The following ATAD2B variants were observed in gnomAD, a reference collection of about 807,000 sequenced individuals.
ATAD2B encodes ATPase family AAA domain-containing protein 2B.
ATAD2B carries 40 observed loss-of-function variants against 167.6 expected under a neutral mutation model. The ratio of observed to expected loss-of-function variants is 0.24; its 90% CI spans 0.19 to 0.31. ATAD2B has a LOEUF of 0.31. Ranked by LOEUF, ATAD2B falls within the 10% of genes least tolerant of loss-of-function variation. The pLI is 1.00. For missense variants in ATAD2B, 1,242 were observed against 1,757.2 expected (o/e 0.71, Z 5.24); for synonymous variants, 579 against 596.5 (o/e 0.97, Z 0.43).
Position 23,752,098 on chromosome 2 carries a change from A to G in ATAD2B, c.4336-11T>C, listed in dbSNP as rs1352556854. 6.6e-7 allele frequency: 1 copy of G among 1,526,328 alleles called. No homozygotes were observed. Among genetic ancestry groups the G allele is most frequent in the Non-Finnish European group, 8.9e-7 (1 of 1,122,456 alleles). The allele number at this position is 1,526,328 out of a possible 1,614,324, so 94.5% of individuals were successfully genotyped here. A position where few individuals can be genotyped will look rare whatever the true frequency, so the allele number is the denominator to read the frequency against. On this transcript the variant is annotated splice_polypyrimidine_tract_variant and intron_variant, in intron 27 of 27. Coordinates refer to ENST00000238789, the MANE Select transcript of ATAD2B (RefSeq NM_017552.4). ...TGTTCTTTCCATCTCCTATAAAAGG[A>G]AAAAAAATGCATGTTATCTATTAAG... is the stretch of plus-strand genomic sequence containing the variant.
the ATAD2B span, among the ~76,000 whole-genome samples, chr2:23,722,646 T>C: frequency 6.6e-6 from 1 of 152,060 alleles, no homozygotes; most frequent in East Asian, 1.9e-4. Flanking sequence ...AAAAGTTGAG[T>C]AAAATGTATT....
intron 1 of ATAD2B, 67 bp downstream of exon 1, chr2:23,926,488 C>A: frequency 6.6e-7 from 1 of 1,506,382 alleles, no homozygotes; most frequent in Non-Finnish European, 8.8e-7. Flanking sequence ...CCCAACCCGG[C>A]CAGACAAAGC....
At chr2:23,689,081 T>A in the ATAD2B span, 22,993 of 152,290 alleles carry the variant, frequency 0.15, 2,137 homozygotes, top group East Asian at 0.2. Context: ...ACCGTGTGTG[T>A]TGGTAAGAGG....
rs1033963701 is a variant in ATAD2B at position 23,864,988 on chromosome 2, T to C, written c.1189-64A>G. 14 of 959,884 alleles carry C rather than the reference T, an allele frequency of 1.5e-5. No individual in the cohort carries two copies. The African/African-American group carries it at 2.4e-4, about 17-fold the overall frequency. 59.5% of individuals were successfully genotyped at this position (959,884 alleles called of 1,614,324 possible). ...TATATGTTTTATAGAATTTTTAAAA[T>C]TTATAAAAGAGTCTTACGATTCAGA... On this transcript the variant is annotated intron_variant, in intron 10 of 27. Transcript: ENST00000238789.
In ATAD2B at chr2:23,783,039, T is replaced by C. The variant is rs781538685; in HGVS notation, c.2974-11A>G. Reference sequence around the variant, plus strand: ...AAGATAATCTGAAACCTAAAACAGATATTTTAATAAAAATTACTTCCAGTT... The same window carrying C: ...AAGATAATCTGAAACCTAAAACAGACATTTTAATAAAAATTACTTCCAGTT... On this transcript the variant is annotated splice_polypyrimidine_tract_variant and intron_variant, in intron 21 of 27. Transcript: ENST00000238789. 1 of 1,380,656 alleles carries C rather than the reference T, an allele frequency of 7.2e-7. No individual in the cohort carries two copies. 85.5% of individuals were successfully genotyped at this position (1,380,656 alleles called of 1,614,324 possible).
chr2:23,901,951 T>C (rs1452244651), intron 1 of ATAD2B, among the ~76,000 whole-genome samples: 1 of 152,228 alleles, frequency 6.6e-6, no homozygotes, highest in Non-Finnish European at 1.5e-5. Context: ...GTTACTTGAA[T>C]ATCAATTTAA....
At chr2:23,682,478 T>G in the ATAD2B span, among the ~76,000 whole-genome samples, 345 of 152,306 alleles carry the variant, frequency 2.3e-3, 2 homozygotes, top group African/African-American at 8.1e-3. This position sits in a 1 kb window ranked among gnomAD's most constrained non-coding sequence, Gnocchi z 4.1. Context: ...CCTGCCTCTG[T>G]GTGGATTTGT....
chr2:23,806,725 G>A (rs2149506856), intron 18 of ATAD2B, among the ~76,000 whole-genome samples: 1 of 152,236 alleles, frequency 6.6e-6, no homozygotes, highest in South Asian at 2.1e-4. Context: ...TGGCAGCAAT[G>A]GTAGTAGTAA....
At chr2:23,914,698 C>T (rs984334902) in intron 1 of ATAD2B, among the ~76,000 whole-genome samples, 69 of 152,032 alleles carry the variant, frequency 4.5e-4, no homozygotes, top group African/African-American at 1.7e-3. Flanking sequence ...AAAAATTAGC[C>T]GGGCGAGGTG....
the ATAD2B span, among the ~76,000 whole-genome samples, chr2:23,737,548 C>T: frequency 3.3e-5 from 5 of 152,136 alleles, no homozygotes; most frequent in South Asian, 2.1e-4. Context: ...CCCATCTGTA[C>T]GTCACCACCT....
At chr2:23,744,416 G>T (rs1674692724), downstream of ATAD2B, among the ~76,000 whole-genome samples, 1 of 151,788 alleles carries the variant, frequency 6.6e-6, no homozygotes, top group South Asian at 2.1e-4. Context: ...AAATTTTAAA[G>T]ATATTAATCC....
chr2:23,784,461 C>T (rs888199386), intron 21 of ATAD2B, among the ~76,000 whole-genome samples: 2 of 152,094 alleles, frequency 1.3e-5, no homozygotes, highest in Admixed American at 6.5e-5. Context: ...AGAAATACAA[C>T]CCTAAATAAA....
chr2:23,852,719 G>A (rs1419328388), intron 13 of ATAD2B, among the ~76,000 whole-genome samples: 1 of 152,078 alleles, frequency 6.6e-6, no homozygotes, highest in East Asian at 1.9e-4. Context: ...AGGCGTTCAA[G>A]ACAAGCCTGA....
At chr2:23,692,638 G>A in the ATAD2B span, among the ~76,000 whole-genome samples, 495 of 152,244 alleles carry the variant, frequency 3.3e-3, 4 homozygotes, top group Non-Finnish European at 4.7e-3. Flanking sequence ...ACCCAGACAC[G>A]CCTAGGTTGG....
At chr2:23,869,857 T>A in intron 8 of ATAD2B, 96 bp from the exon 9 acceptor site, 1 of 759,346 alleles carries the variant, frequency 1.3e-6, no homozygotes, top group East Asian at 2.8e-5. Context: ...AGAAAATTCA[T>A]TCAGCAAATA....
chr2:23,817,021 T>C, intron 17 of ATAD2B, among the ~76,000 whole-genome samples: 1 of 152,204 alleles, frequency 6.6e-6, no homozygotes, highest in Non-Finnish European at 1.5e-5. Context: ...TTCTTCTGCA[T>C]TGATCTGTAA....
intron 18 of ATAD2B, chr2:23,799,824 C>T (rs1018926012): frequency 3.3e-5 from 5 of 152,020 alleles, no homozygotes; most frequent in African/African-American, 1.2e-4. Context: ...TGATCACTCA[C>T]ATCAAAAGTA....
In ATAD2B at chr2:23,926,548, C is replaced by G. The variant is rs1034113820; in HGVS notation, c.216+7G>C. 2.6e-6 allele frequency: 4 copies of G among 1,545,154 alleles called. No homozygotes were observed. In the African/African-American group the frequency reaches 4.1e-5, roughly 16 times the overall value. ...GAGCCTCCGGACTCGGGACGCCGCG[C>G]TCTTACCCTGGCCTCATCCAGAGTG... On this transcript the variant is annotated splice_region_variant and intron_variant, in intron 1 of 27. Transcript: ENST00000238789.
intron 1 of ATAD2B, 67 bp from the exon 2 acceptor site, chr2:23,896,037 G>A (rs1700105383): frequency 2.2e-6 from 3 of 1,371,706 alleles, no homozygotes; most frequent in East Asian, 2.6e-5. Flanking sequence ...TAATACTAGG[G>A]GCCAGGCAGT....
Sources: allele counts gnomAD v4.1 joint callset (sites outside exome capture counted in the v4.1 genomes callset), GRCh38; gene constraint gnomAD v4.1.1; non-coding constraint Gnocchi (gnomAD v3.1); transcripts MANE v1.5; gene names NCBI Gene and HGNC (gene_info 2026-07-23, HGNC 2026-07-21).